MMP16: variants seen among roughly 807,000 people sequenced by gnomAD.
MMP16 encodes matrix metallopeptidase 16, also known as matrix metalloproteinase-16.
MMP16 carries 12 observed loss-of-function variants against 67.8 expected under a neutral mutation model. That is an observed-to-expected ratio of 0.18 (90% confidence interval 0.11 to 0.29). The LOEUF (loss-of-function observed/expected upper bound fraction) is 0.29. MMP16 is among the 10% of genes least tolerant of loss of function. The pLI is 1.00. For synonymous variants in MMP16, 249 were observed against 255.9 expected (o/e 0.97, Z 0.26); for missense variants, 475 against 765.7 (o/e 0.62, Z 4.48).
At chr8:88,162,331 GAA>G (rs1457662443) in intron 4 of MMP16, among the ~76,000 whole-genome samples, 1 of 151,940 alleles carries the variant, frequency 6.6e-6, no homozygotes, top group Non-Finnish European at 1.5e-5. Flanking sequence ...AGGAAAAAAG[GAA>G]AAAAGTCATG....
rs151177125 is a variant in MMP16 at position 88,045,844 on chromosome 8, T to C, written c.1489+825A>G. ...CATATGTCACAGACTTTTCATGTTA[T>C]TGAGGACTACATAATATACTATTTT... On this transcript the variant is annotated intron_variant, in intron 9 of 9. Transcript: ENST00000286614. 8.7e-4 allele frequency among the ~76,000 whole-genome samples: 133 copies of C among 152,362 alleles called. 1 individual carries two copies. Among genetic ancestry groups the C allele is most frequent in the African/African-American group, 3.0e-3 (126 of 41,586 alleles).
At chr8:88,161,716 G>A (rs1254956124) in intron 4 of MMP16, among the ~76,000 whole-genome samples, 2 of 151,998 alleles carry the variant, frequency 1.3e-5, no homozygotes, top group African/African-American at 4.8e-5. Context: ...TCTACACACT[G>A]CTTTAAACGT....
intron 6 of MMP16, among the ~76,000 whole-genome samples, chr8:88,080,291 TA>T (rs1808724117): frequency 6.6e-6 from 1 of 152,218 alleles, no homozygotes; most frequent in Non-Finnish European, 1.5e-5. Context: ...GGTAGCTGTT[TA>T]GTTTGAGTAT....
At chr8:88,057,797 T>C (rs887813650) in intron 7 of MMP16, among the ~76,000 whole-genome samples, 6 of 152,096 alleles carry the variant, frequency 3.9e-5, no homozygotes, top group Non-Finnish European at 4.4e-5. Context: ...ACAACATTTA[T>C]TGAGTATCTT....
intron 1 of MMP16, among the ~76,000 whole-genome samples, chr8:88,251,487 T>A (rs1810221047): frequency 7.0e-6 from 1 of 141,884 alleles, no homozygotes; most frequent in Admixed American, 7.1e-5. Context: ...TATACAAAAA[T>A]CAATTCAAGA....
chr8:88,107,256 G>T (rs577300835), intron 6 of MMP16, among the ~76,000 whole-genome samples: 1 of 150,806 alleles, frequency 6.6e-6, no homozygotes, highest in South Asian at 2.1e-4. Context: ...ATATTACCTG[G>T]TTAAAAACTA....
intron 7 of MMP16, among the ~76,000 whole-genome samples, chr8:88,059,534 G>A (rs1808370810): frequency 6.6e-6 from 1 of 151,990 alleles, no homozygotes; most frequent in African/African-American, 2.4e-5. Flanking sequence ...AGTTATTCGT[G>A]GCTGACATCA....
At chr8:88,051,110 A>T (rs1025993151) in intron 8 of MMP16, among the ~76,000 whole-genome samples, 1 of 152,204 alleles carries the variant, frequency 6.6e-6, no homozygotes, top group African/African-American at 2.4e-5. Flanking sequence ...AAATATTTCC[A>T]GTAAACTAGA....
At chr8:88,122,823 C>T (rs1807861264) in intron 4 of MMP16, among the ~76,000 whole-genome samples, 2 of 151,636 alleles carry the variant, frequency 1.3e-5, no homozygotes, top group South Asian at 4.2e-4. Context: ...CAAAATATGG[C>T]AGAAGTGATG....
At chr8:88,164,248 A>C (rs1225811584) in intron 4 of MMP16, among the ~76,000 whole-genome samples, 1 of 152,110 alleles carries the variant, frequency 6.6e-6, no homozygotes, top group Non-Finnish European at 1.5e-5. Context: ...AGCTCTGAAT[A>C]GAAGAGAAAG....
chr8:88,325,488 G>A (rs1215848542), intron 1 of MMP16, among the ~76,000 whole-genome samples: 3 of 151,952 alleles, frequency 2.0e-5, no homozygotes, highest in African/African-American at 7.3e-5. Context: ...GAAGCAATAG[G>A]CCCTTCTGTT....
At chr8:88,093,197 C>T (rs1808968239) in intron 6 of MMP16, among the ~76,000 whole-genome samples, 1 of 151,758 alleles carries the variant, frequency 6.6e-6, no homozygotes, top group Admixed American at 6.6e-5. Context: ...TAGCAAAACA[C>T]TGGGAGTATC....
At chr8:88,314,829 T>G (rs571031444) in intron 1 of MMP16, among the ~76,000 whole-genome samples, 25 of 152,172 alleles carry the variant, frequency 1.6e-4, no homozygotes, top group Non-Finnish European at 3.2e-4. Flanking sequence ...TGGGCAGATC[T>G]CTGGTGTTTT....
intron 1 of MMP16, among the ~76,000 whole-genome samples, chr8:88,325,982 T>G (rs2130238403): frequency 6.6e-6 from 1 of 152,354 alleles, no homozygotes; most frequent in African/African-American, 2.4e-5. Context: ...CAACAGGTCT[T>G]GCTATTGTGT....
At chr8:88,247,870 T>C (rs967649722) in intron 1 of MMP16, among the ~76,000 whole-genome samples, 1 of 151,998 alleles carries the variant, frequency 6.6e-6, no homozygotes. Flanking sequence ...TTCCTCCCCC[T>C]ACTCTCTCTC....
At chr8:88,284,224 T>C (rs938053371) in intron 1 of MMP16, among the ~76,000 whole-genome samples, 43 of 152,332 alleles carry the variant, frequency 2.8e-4, no homozygotes, top group Admixed American at 2.2e-3. Context: ...TGTCTTATCA[T>C]GCCAATCTAA....
At chr8:88,183,174 G>A (rs748432605) in intron 3 of MMP16, among the ~76,000 whole-genome samples, 4 of 152,104 alleles carry the variant, frequency 2.6e-5, no homozygotes, top group African/African-American at 7.2e-5. Flanking sequence ...CTATAGAACC[G>A]TACAACACAG....
intron 3 of MMP16, among the ~76,000 whole-genome samples, chr8:88,180,673 C>T (rs1808965573): frequency 6.6e-6 from 1 of 151,898 alleles, no homozygotes; most frequent in East Asian, 1.9e-4. Flanking sequence ...GCATGAGGCA[C>T]TATTATAATT....
At position 88,268,085 on chromosome 8, in the gene MMP16, G is replaced by A. The variant is rs148520039; in HGVS notation, c.132+58990C>T. On this transcript the variant is annotated intron_variant, in intron 1 of 9. Coordinates refer to ENST00000286614, the MANE Select transcript of MMP16 (RefSeq NM_005941.5). ...AGGCCGGGAGCGGTGGCTCGTGCCTGTAATCCCAGCATTTTGGGAGGCCAA... is the reference window on the plus strand; with the variant it reads ...AGGCCGGGAGCGGTGGCTCGTGCCTATAATCCCAGCATTTTGGGAGGCCAA... Among the ~76,000 whole-genome samples, 816 of 152,320 alleles carry A rather than the reference G, an allele frequency of 5.4e-3. 9 individuals are homozygous for A. The highest frequency in any genetic ancestry group is 0.019 in the African/African-American group (779 of 41,574).
Sources: gnomAD v4.1 joint callset for allele counts (sites outside exome capture counted in the v4.1 genomes callset) on GRCh38, gnomAD v4.1.1 for gene constraint, MANE v1.5 for transcripts, NCBI Gene and HGNC (gene_info 2026-07-23, HGNC 2026-07-21) for gene names.